The following PDE8B variants were observed in gnomAD, a reference collection of about 807,000 sequenced individuals.
PDE8B encodes phosphodiesterase 8B, also known as high affinity cAMP-specific and IBMX-insensitive 3',5'-cyclic phosphodiesterase 8B.
In PDE8B, 26 loss-of-function variants were observed where a neutral mutation model predicts 101.3. That is an observed-to-expected ratio of 0.26 (90% CI 0.19 to 0.36). The LOEUF (loss-of-function observed/expected upper bound fraction) is 0.36, where lower values mean the gene tolerates loss of function less well. PDE8B is among the 10% of genes least tolerant of loss of function. PDE8B has a pLI of 1.00. For missense variants in PDE8B, 810 were observed against 1,163.1 expected, an observed-to-expected ratio of 0.70 and a Z score of 4.42; for synonymous variants, 424 against 429.3, an observed-to-expected ratio of 0.99 and a Z score of 0.15.
At chr5:77,351,838 G>A (rs948916739) in intron 9 of PDE8B, among the ~76,000 whole-genome samples, 3 of 152,110 alleles carry the variant, frequency 2.0e-5, no homozygotes, top group East Asian at 1.9e-4. Context: ...GGAACACAAC[G>A]TTGTGTGACA....
chr5:77,158,981 A>T, the PDE8B span, among the ~76,000 whole-genome samples: 1 of 152,198 alleles, frequency 6.6e-6, no homozygotes, highest in Admixed American at 6.5e-5. Flanking sequence ...TGCAGGTGAG[A>T]GAATGCCTCC....
In PDE8B at chr5:77,412,096, T is replaced by C; in HGVS notation, c.1577-4T>C. ...AGCCTCCCCCATCCCATCTGTTTGC[T>C]CAGATGTGCACCAGAGTCACAGTCA... On this transcript the variant is annotated splice_polypyrimidine_tract_variant and splice_region_variant and intron_variant, in intron 15 of 21. Transcript: ENST00000264917. 1 of 1,613,994 alleles carries C rather than the reference T, an allele frequency of 6.2e-7. No individual in the cohort carries two copies. Among genetic ancestry groups the C allele is most frequent in the Non-Finnish European group, 8.5e-7 (1 of 1,179,888 alleles).
chr5:77,128,865 G>A, the PDE8B span, among the ~76,000 whole-genome samples: 5 of 152,270 alleles, frequency 3.3e-5, no homozygotes, highest in East Asian at 1.9e-4. Flanking sequence ...GTGGTTGTAC[G>A]GGGTTTGGTT....
At chr5:77,283,630 G>A (rs1439072719) in intron 1 of PDE8B, among the ~76,000 whole-genome samples, 9 of 152,062 alleles carry the variant, frequency 5.9e-5, no homozygotes, top group African/African-American at 2.2e-4. Flanking sequence ...AGTAATATGC[G>A]TTTAAGGTTC....
At chr5:77,351,623 G>T (rs1243076353) in intron 9 of PDE8B, among the ~76,000 whole-genome samples, 1 of 152,098 alleles carries the variant, frequency 6.6e-6, no homozygotes, top group Non-Finnish European at 1.5e-5. Context: ...GGAGCTGAGG[G>T]CATCTCAATC....
intron 10 of PDE8B, among the ~76,000 whole-genome samples, chr5:77,359,079 C>T (rs561409822): frequency 1.3e-5 from 2 of 152,178 alleles, no homozygotes; most frequent in African/African-American, 4.8e-5. Context: ...ATACCTGCTA[C>T]ACATCAGGGA....
intron 10 of PDE8B, among the ~76,000 whole-genome samples, chr5:77,369,775 T>C (rs1490916315): frequency 6.6e-6 from 1 of 152,222 alleles, no homozygotes; most frequent in African/African-American, 2.4e-5. Flanking sequence ...ACAAATGTTT[T>C]CACTGGCACA....
intron 10 of PDE8B, among the ~76,000 whole-genome samples, chr5:77,393,533 TAAA>T (rs926118537): frequency 1.3e-5 from 2 of 152,038 alleles, no homozygotes; most frequent in African/African-American, 4.8e-5. Context: ...AAATAAAAAA[TAAA>T]AAAATTACAG....
chr5:77,161,823 T>C, the PDE8B span, among the ~76,000 whole-genome samples: 2 of 152,100 alleles, frequency 1.3e-5, no homozygotes, highest in African/African-American at 4.8e-5. Context: ...TAGCAGACTT[T>C]TTTTTGGTAT....
intron 17 of PDE8B, among the ~76,000 whole-genome samples, chr5:77,414,543 C>T (rs997671345): frequency 1.3e-5 from 2 of 152,094 alleles, no homozygotes; most frequent in Non-Finnish European, 2.9e-5. Context: ...GCCTCAGCCT[C>T]CTGAGTAGCT....
chr5:77,174,679 G>A, the PDE8B span, among the ~76,000 whole-genome samples: 1 of 152,202 alleles, frequency 6.6e-6, no homozygotes, highest in South Asian at 2.1e-4. Flanking sequence ...AGCTCCCTGG[G>A]CTCTGCTGGT....
At chr5:77,233,651 G>GCT (rs1470782927) in intron 1 of PDE8B, among the ~76,000 whole-genome samples, 1 of 116,994 alleles carries the variant, frequency 8.5e-6, no homozygotes, top group East Asian at 4.3e-4. Flanking sequence ...ACCCCCTGAA[G>GCT]CTCTGTGTGT....
chr5:77,322,822 T>C (rs567157013), intron 2 of PDE8B, among the ~76,000 whole-genome samples: 4 of 151,088 alleles, frequency 2.6e-5, no homozygotes, highest in African/African-American at 9.6e-5. Flanking sequence ...TGTGTGTGCC[T>C]CTACCACTAC....
chr5:77,217,661 G>A (rs893765974), intron 1 of PDE8B, among the ~76,000 whole-genome samples: 6 of 151,770 alleles, frequency 4.0e-5, no homozygotes, highest in Non-Finnish European at 8.8e-5. Flanking sequence ...TCAGCCTCCC[G>A]AGTAGCTGGG....
intron 19 of PDE8B, among the ~76,000 whole-genome samples, chr5:77,420,661 C>T (rs1290137672): frequency 6.6e-6 from 1 of 152,080 alleles, no homozygotes; most frequent in African/African-American, 2.4e-5. Flanking sequence ...TCTACCTCAC[C>T]TATTTAAGCT....
chr5:77,298,368 T>C (rs1198744685), intron 1 of PDE8B, among the ~76,000 whole-genome samples: 1 of 152,144 alleles, frequency 6.6e-6, no homozygotes, highest in Non-Finnish European at 1.5e-5. Context: ...TTCTTCCTGT[T>C]CTTGAAATTG....
At chr5:77,240,948 C>T (rs1755647517) in intron 1 of PDE8B, among the ~76,000 whole-genome samples, 1 of 152,120 alleles carries the variant, frequency 6.6e-6, no homozygotes, top group Non-Finnish European at 1.5e-5. Flanking sequence ...TACAAAACTT[C>T]CTAGGAAGTG....
chr5:77,197,609 C>T, the PDE8B span, among the ~76,000 whole-genome samples: 3 of 151,246 alleles, frequency 2.0e-5, no homozygotes, highest in South Asian at 2.1e-4. Flanking sequence ...AAGCTTTTAT[C>T]CCCTTTATCA....
the PDE8B span, among the ~76,000 whole-genome samples, chr5:77,162,854 G>A: frequency 3.3e-5 from 5 of 152,152 alleles, no homozygotes; most frequent in Non-Finnish European, 5.9e-5. Context: ...CTTTCTCAGG[G>A]TACAAGTCTG....
Sources: gnomAD v4.1 joint callset for allele counts (sites outside exome capture counted in the v4.1 genomes callset) on GRCh38, gnomAD v4.1.1 for gene constraint, MANE v1.5 for transcripts, NCBI Gene and HGNC (gene_info 2026-07-23, HGNC 2026-07-21) for gene names.